The following SGSM2 variants were observed in gnomAD, a reference collection of about 807,000 sequenced individuals.
The protein encoded by SGSM2 is small G protein signaling modulator 2.
SGSM2 carries 89 observed loss-of-function variants against 126.6 expected under a neutral mutation model. The ratio of observed to expected loss-of-function variants is 0.70; its 90% confidence interval spans 0.59 to 0.84. The LOEUF (loss-of-function observed/expected upper bound fraction) is 0.84, where lower values mean the gene tolerates loss of function less well. SGSM2 is among the 40% of genes least tolerant of loss of function. The pLI is 0.00. For missense variants in SGSM2, 1,404 were observed against 1,416.6 expected (o/e 0.99, Z 0.14); for synonymous variants, 614 against 574.3 (o/e 1.07, Z -0.99).
intron 1 of SGSM2, among the ~76,000 whole-genome samples, chr17:2,338,789 A>ATATATATATATATAT (rs1483751869): frequency 4.1e-5 from 6 of 148,120 alleles, no homozygotes; most frequent in East Asian, 2.2e-4. Context: ...ATATATATAT[A>ATATATATATATATAT]ACCTCACGCC....
intron 17 of SGSM2, 118 bp downstream of exon 17, chr17:2,373,631 T>A: frequency 1.1e-6 from 1 of 884,958 alleles, no homozygotes; most frequent in Non-Finnish European, 1.7e-6. Context: ...GAGAAAGGCC[T>A]AAGGTGCCTG....
rs905091046 is a variant in SGSM2 at position 2,377,081 on chromosome 17, G to A, written c.2802+13G>A. 6.3e-7 allele frequency: 1 copy of A among 1,581,576 alleles called. No individual in the cohort carries two copies. The highest frequency in any genetic ancestry group is 8.7e-7 in the Non-Finnish European group (1 of 1,154,022). On this transcript the variant is annotated intron_variant, in intron 21 of 23. Transcript: ENST00000268989. ...CTCCCTCATCCAGGTGAGGCCGGTT[G>A]CCACCCATGGGCATGGGAGCAGGCA...
chr17:2,348,385 C>T lies in SGSM2; in HGVS notation c.133+4765C>T, dbSNP rs967943437. Among the ~76,000 whole-genome samples, 3 of 152,116 alleles carry T rather than the reference C, an allele frequency of 2.0e-5. No individual in the cohort carries two copies. The East Asian group carries it at 5.8e-4, about 29-fold the overall frequency. On this transcript the variant is annotated intron_variant, in intron 2 of 23. Coordinates refer to ENST00000268989, the MANE Select transcript of SGSM2 (RefSeq NM_014853.3). ...GCCTGAGCAAAAAAGACCCCATCGC[C>T]ACAAAAAGGAGGAGCGGGTTCCTCC... is the stretch of plus-strand genomic sequence containing the variant.
Position 2,363,703 on chromosome 17 carries a change from C to A in SGSM2, c.807+104C>A. Reference sequence around the variant, plus strand: ...CTTTCCTGAGGAGCTTGACCAGAGACGGGGGGGAGAATGGCCCCAGCCTCC... The same window carrying A: ...CTTTCCTGAGGAGCTTGACCAGAGAAGGGGGGGAGAATGGCCCCAGCCTCC... On this transcript the variant is annotated intron_variant, in intron 7 of 23. Coordinates refer to ENST00000268989, the MANE Select transcript of SGSM2 (RefSeq NM_014853.3). The surrounding 1 kb of genome is among the most constrained non-coding windows in gnomAD (Gnocchi z 4.2). The A allele has an allele frequency of 2.7e-6, 4 of 1,476,158 alleles. No individual in the cohort carries two copies. In the South Asian group the frequency reaches 5.3e-5, roughly 19 times the overall value. 91.4% of individuals were successfully genotyped at this position (1,476,158 alleles called of 1,614,324 possible).
Position 2,362,903 on chromosome 17 carries a change from T to C in SGSM2, c.524T>C (p.Leu175Pro). Residue 175 changes from leucine (L) to proline (P), a missense_variant and splice_region_variant, in exon 5 of 24, where the codon CTA (leucine) becomes CCA (proline). Transcript: ENST00000268989. This position sits in a 1 kb window ranked among gnomAD's most constrained non-coding sequence, Gnocchi z 4.9. ...TTCGGCCCGATCCTGGCCTCTCTTC[T>C]AGGTGAGCCTGAGAGCACAGGCACA... ...PVFGPILASL[L>P]VGPCALEYTK... 1 of 1,614,170 alleles carries C rather than the reference T, an allele frequency of 6.2e-7. No homozygotes were observed. The highest frequency in any genetic ancestry group is 8.5e-7 in the Non-Finnish European group (1 of 1,180,024).
rs1426349020 is a variant in SGSM2 at position 2,379,725 on chromosome 17, T to C, written c.*205T>C. 1 of 1,407,506 alleles carries C rather than the reference T, an allele frequency of 7.1e-7. No homozygotes were observed. Among genetic ancestry groups the C allele is most frequent in the Non-Finnish European group, 9.3e-7 (1 of 1,079,964 alleles). The allele number at this position is 1,407,506 out of a possible 1,614,324, so 87.2% of individuals were successfully genotyped here. A position where few individuals can be genotyped will look rare whatever the true frequency, so the allele number is the denominator to read the frequency against. On this transcript the variant is annotated 3_prime_UTR_variant, in exon 24 of 24. Transcript: ENST00000268989. ...GGATGCCCTCGGATCAGGGCCGGGA[T>C]GGGAGGGGTCAGCCTCAGGGAGCAG...
intron 21 of SGSM2, chr17:2,377,494 A>AC: frequency 5.1e-6 from 1 of 195,230 alleles, no homozygotes; most frequent in Non-Finnish European, 1.1e-5. Context: ...AAAAAAAAAA[A>AC]AAAAAACCAT....
rs1200175688 is a variant in SGSM2 at position 2,380,885 on chromosome 17, C to T, written c.*1365C>T. On this transcript the variant is annotated 3_prime_UTR_variant, in exon 24 of 24. Transcript: ENST00000268989. ...AGCCTGTCTGGGGGCCAGACCACCCCATTGTCCATCCTTGTTGTCCGTGAG... is the reference window on the plus strand; with the variant it reads ...AGCCTGTCTGGGGGCCAGACCACCCTATTGTCCATCCTTGTTGTCCGTGAG... 6.3e-6 allele frequency: 1 copy of T among 159,434 alleles called. No homozygotes were observed. Among genetic ancestry groups the T allele is most frequent in the Admixed American group, 6.3e-5 (1 of 15,830 alleles). The allele number at this position is 159,434 out of a possible 1,614,324, so 9.9% of individuals were successfully genotyped here. A position where few individuals can be genotyped will look rare whatever the true frequency, so the allele number is the denominator to read the frequency against.
chr17:2,350,806 T>C (rs911796174), intron 2 of SGSM2, among the ~76,000 whole-genome samples: 2 of 152,140 alleles, frequency 1.3e-5, no homozygotes, highest in Non-Finnish European at 1.5e-5. Context: ...TTCGGTGTGG[T>C]AGGCAGGGGC....
At position 2,367,521 on chromosome 17, in the gene SGSM2, G is replaced by C; in HGVS notation, c.1423+116G>C. On this transcript the variant is annotated intron_variant, in intron 12 of 23. Transcript: ENST00000268989. This position sits in a 1 kb window ranked among gnomAD's most constrained non-coding sequence, Gnocchi z 4.0. ...GTTGGCATTAGGGGACTTGCACCCA[G>C]GGCAGTTCCCTTCCATCGGGGGCAG... 2.5e-6 allele frequency: 3 copies of C among 1,199,822 alleles called. No homozygotes were observed. The highest frequency in any genetic ancestry group is 3.5e-6 in the Non-Finnish European group (3 of 857,530). 74.3% of individuals were successfully genotyped at this position (1,199,822 alleles called of 1,614,324 possible). A position where few individuals can be genotyped will look rare whatever the true frequency, so the allele number is the denominator to read the frequency against.
At chr17:2,338,512 C>G (rs1597289416) in intron 1 of SGSM2, among the ~76,000 whole-genome samples, 2 of 152,068 alleles carry the variant, frequency 1.3e-5, no homozygotes, top group African/African-American at 4.8e-5. Context: ...CACAGCGCAG[C>G]TTAGAATACA....
At chr17:2,364,515 G>A in intron 8 of SGSM2, 81 bp from the exon 9 acceptor site, 1 of 1,477,560 alleles carries the variant, frequency 6.8e-7, no homozygotes, top group South Asian at 1.1e-5. Context: ...AGTTTCGTGG[G>A]GTGGTAGGAC....
At chr17:2,371,589 A>G in intron 13 of SGSM2, 174 bp downstream of exon 13, 1 of 724,904 alleles carries the variant, frequency 1.4e-6, no homozygotes, top group South Asian at 2.0e-5. Flanking sequence ...TGGAATTACC[A>G]TGAGCCTCTA....
chr17:2,364,003 A>G, intron 7 of SGSM2, 56 bp from the exon 8 acceptor site: 3 of 1,611,928 alleles, frequency 1.9e-6, no homozygotes, highest in Non-Finnish European at 2.5e-6. Flanking sequence ...CTCATAGGCC[A>G]TCCCTGAGAG....
chr17:2,353,959 A>G (rs2064983222), intron 2 of SGSM2, among the ~76,000 whole-genome samples: 1 of 150,930 alleles, frequency 6.6e-6, no homozygotes, highest in Admixed American at 6.6e-5. Flanking sequence ...CCCAGGCTGG[A>G]GTGCAATGGT....
intron 21 of SGSM2, chr17:2,377,495 AAAAAAC>A: frequency 5.1e-6 from 1 of 195,760 alleles, no homozygotes; most frequent in South Asian, 1.0e-4. Context: ...AAAAAAAAAA[AAAAAAC>A]CATGGTTTCA....
chr17:2,366,305 G>C (rs1319369303), intron 11 of SGSM2, among the ~76,000 whole-genome samples: 1 of 152,158 alleles, frequency 6.6e-6, no homozygotes, highest in African/African-American at 2.4e-5. Context: ...TCCCTTTCTG[G>C]TCAGAGTGCT....
intron 1 of SGSM2, among the ~76,000 whole-genome samples, chr17:2,342,758 C>T (rs146803474): frequency 0.023 from 3,573 of 152,244 alleles, 126 homozygotes; most frequent in African/African-American, 0.08. Context: ...GGGTGGATCA[C>T]CTGAGGTCAG....
rs1057316049 is a variant in SGSM2 at position 2,363,616 on chromosome 17, C to T, written c.807+17C>T. 2 of 1,611,100 alleles carry T rather than the reference C, an allele frequency of 1.2e-6. No homozygotes were observed. The highest frequency in any genetic ancestry group is 1.7e-6 in the Non-Finnish European group (2 of 1,178,264). On this transcript the variant is annotated intron_variant, in intron 7 of 23. Coordinates refer to ENST00000268989, the MANE Select transcript of SGSM2 (RefSeq NM_014853.3). The surrounding 1 kb of genome is among the most constrained non-coding windows in gnomAD (Gnocchi z 4.2). ...GTGCAGCCGGTAGGAAAGCTTCATC[C>T]TGCCATCCCTCCCCGAAGGTCCCCG...
Sources: gnomAD v4.1 joint callset for allele counts (sites outside exome capture counted in the v4.1 genomes callset) on GRCh38, gnomAD v4.1.1 for gene constraint, Gnocchi (gnomAD v3.1) non-coding constraint, MANE v1.5 for transcripts, NCBI Gene and HGNC (gene_info 2026-07-23, HGNC 2026-07-21) for gene names.